TDRD9: variants seen among roughly 807,000 people sequenced by gnomAD.
The protein encoded by TDRD9 is ATP-dependent RNA helicase TDRD9.
A neutral mutation model predicts 172.6 loss-of-function variants in TDRD9; 124 were observed. The observed-to-expected ratio is 0.72, with a 90% CI of 0.62 to 0.83. The LOEUF (loss-of-function observed/expected upper bound fraction) is 0.83. Ranked by LOEUF, TDRD9 falls within the 40% of genes least tolerant of loss-of-function variation. The pLI is 0.00. For missense variants in TDRD9, 1,479 were observed against 1,714.1 expected, an observed-to-expected ratio of 0.86 and a Z score of 2.42; for synonymous variants, 619 against 617.1, an observed-to-expected ratio of 1.00 and a Z score of -0.05.
At chr14:103,948,531 A>G (rs2031693043) in intron 1 of TDRD9, among the ~76,000 whole-genome samples, 1 of 152,168 alleles carries the variant, frequency 6.6e-6, no homozygotes, top group South Asian at 2.1e-4. Flanking sequence ...CCTTGAAGAG[A>G]TGTTTGTACA....
intron 5 of TDRD9, 28 bp from the exon 6 acceptor site, chr14:103,970,513 G>A (rs1193289984): frequency 2.6e-6 from 4 of 1,525,976 alleles, no homozygotes; most frequent in Non-Finnish European, 3.6e-6. Context: ...GATGCCATGT[G>A]GGGGGTGCCC....
intron 30 of TDRD9, 138 bp from the exon 31 acceptor site, chr14:104,033,822 G>T (rs547350667): frequency 4.8e-6 from 3 of 627,470 alleles, no homozygotes; most frequent in African/African-American, 3.6e-5. Flanking sequence ...GCAGGAGAGT[G>T]GGGGGTTAAA....
At chr14:103,984,511 C>G (rs1243306841) in intron 7 of TDRD9, among the ~76,000 whole-genome samples, 1 of 152,214 alleles carries the variant, frequency 6.6e-6, no homozygotes, top group Admixed American at 6.5e-5. Flanking sequence ...TTGGCAGCCC[C>G]CACATGTTGT....
chr14:103,991,172 G>T lies in TDRD9; in HGVS notation c.1128G>T (p.Trp376Cys). ...LDMKESGNKAWSGAQFVLERS... is the reference protein window; with the variant it reads ...LDMKESGNKACSGAQFVLERS... Reference sequence around the variant, plus strand: ...ACATTTTTAACAGGAACAAGGCTTGGTCGGGGGCCCAGTTTGTGTTGGAGC... The same window carrying T: ...ACATTTTTAACAGGAACAAGGCTTGTTCGGGGGCCCAGTTTGTGTTGGAGC... The change falls in exon 9 of 36, where the codon TGG becomes TGT. Residue 376 changes from tryptophan to cysteine, a missense_variant. This residue lies in a region of TDRD9 where 1,413 missense variants were observed against 1,649.1 expected (regional missense o/e 0.86). Transcript: ENST00000409874. The T allele has an allele frequency of 6.2e-7, 1 of 1,613,986 alleles. No homozygotes were observed. Among genetic ancestry groups the T allele is most frequent in the Admixed American group, 1.7e-5 (1 of 60,014 alleles).
chr14:104,051,299 T>A (rs2035929882), intron 35 of TDRD9, among the ~76,000 whole-genome samples: 1 of 152,254 alleles, frequency 6.6e-6, no homozygotes. Context: ...TTTTAATGGC[T>A]GTGTAGTATT....
rs1003230761 is a variant in TDRD9 at position 103,940,966 on chromosome 14, T to C, written c.215+12242T>C. 12 of 1,535,280 alleles carry C rather than the reference T, an allele frequency of 7.8e-6. No individual in the cohort carries two copies. The African/African-American group carries it at 1.5e-4, about 19-fold the overall frequency. ...TTGGATCACAGAAGGAGCAGAGCAG[T>C]CCATGCTCCCTGAGTCCTCCAGGTC... On this transcript the variant is annotated intron_variant, in intron 1 of 35. Transcript: ENST00000409874.
Position 103,928,737 on chromosome 14 carries a change from C to T in TDRD9, c.215+13C>T. The stretch of plus-strand genomic sequence containing the variant: ...CTGCGTTCGAAAGGTAGGACGCGGG[C>T]GGGGCGGAGGCGGCTGGAGGGCGGC... On this transcript the variant is annotated intron_variant, in intron 1 of 35. Transcript: ENST00000409874. The T allele has an allele frequency of 9.3e-7, 1 of 1,080,446 alleles. No homozygotes were observed. Among genetic ancestry groups the T allele is most frequent in the Non-Finnish European group, 1.2e-6 (1 of 864,934 alleles). 66.9% of individuals were successfully genotyped at this position (1,080,446 alleles called of 1,614,324 possible).
At position 104,052,306 on chromosome 14, in the gene TDRD9, A is replaced by G; in HGVS notation, c.*224A>G. The G allele has an allele frequency of 2.9e-6, 1 of 349,796 alleles. No homozygotes were observed. The highest frequency in any genetic ancestry group is 5.0e-5 in the East Asian group (1 of 19,884). 21.7% of individuals were successfully genotyped at this position (349,796 alleles called of 1,614,324 possible). A position where few individuals can be genotyped will look rare whatever the true frequency, so the allele number is the denominator to read the frequency against. On this transcript the variant is annotated 3_prime_UTR_variant, in exon 36 of 36. Transcript: ENST00000409874. ...AAACTCTAGTCTTTTCTAGAAACAG[A>G]AAATCACTGTATTAAATATTTTGGA...
chr14:104,041,991 A>G, intron 33 of TDRD9, 78 bp from the exon 34 acceptor site: 2 of 974,814 alleles, frequency 2.1e-6, no homozygotes, highest in East Asian at 2.5e-5. Flanking sequence ...CTAACTCTGA[A>G]TGCTATGAAT....
rs2034467071 is a variant in TDRD9, at chr14:104,007,164, G to A, written c.2012G>A (p.Trp671Ter). The change falls in exon 19 of 36, where the codon TGG (tryptophan) becomes TAG (stop). Residue 671 changes from tryptophan (W) to a stop codon, truncating the protein, a stop_gained. Transcript: ENST00000409874. LOFTEE classifies it high-confidence loss of function. The part of the protein sequence containing the change: ...CIALVEAFKT[W>*]KACRQTGELR... ...GTTTGGATCCTTTATTTTCAGACAT[G>A]GAAGGCTTGCAGACAGACAGGGGAG... 6.2e-7 allele frequency: 1 copy of A among 1,613,664 alleles called. No homozygotes were observed. Among genetic ancestry groups the A allele is most frequent in the African/African-American group, 1.3e-5 (1 of 74,912 alleles).
At chr14:104,032,220 T>A (rs185124676) in intron 30 of TDRD9, 133 bp downstream of exon 30, 29 of 592,982 alleles carry the variant, frequency 4.9e-5, no homozygotes, top group Non-Finnish European at 6.3e-5. Context: ...CTTTTCTTTT[T>A]TTTTGAGACA....
At position 104,011,371 on chromosome 14, in the gene TDRD9, C is replaced by T. The variant is rs556269777; in HGVS notation, c.2106+2905C>T. ...GTGCATGTGTGCGCACATGCATGCA[C>T]AATACTATGAGATGTTGTTATTGAT... On this transcript the variant is annotated intron_variant, in intron 20 of 35. Coordinates refer to ENST00000409874, the MANE Select transcript of TDRD9 (RefSeq NM_153046.3). 1.3e-4 allele frequency among the ~76,000 whole-genome samples: 20 copies of T among 152,240 alleles called. 1 individual carries two copies. The South Asian group carries it at 3.3e-3, about 25-fold the overall frequency.
rs1178410199 is a variant in TDRD9, at chr14:103,963,767, AAATGTTTCAAATTTAATT to A, written c.420+592_420+609del. On this transcript the variant is annotated intron_variant, in intron 3 of 35. Transcript: ENST00000409874. Reference sequence around the variant, plus strand: ...AAGAAGGAGTTACAGATAAAACTAGAAATGTTTCAAATTTAATTTTTACTTTGCTTTAGAGTAAATCAT... The same window carrying A: ...AAGAAGGAGTTACAGATAAAACTAGATTTACTTTGCTTTAGAGTAAATCAT... Among the ~76,000 whole-genome samples the A allele has an allele frequency of 3.3e-4, 51 of 152,340 alleles. 1 individual carries two copies. The highest frequency in any genetic ancestry group is 1.2e-3 in the African/African-American group (50 of 41,588).
At chr14:103,932,068 G>T (rs538214447) in intron 1 of TDRD9, among the ~76,000 whole-genome samples, 1 of 152,308 alleles carries the variant, frequency 6.6e-6, no homozygotes, top group South Asian at 2.1e-4. Flanking sequence ...CTGCCAGTAG[G>T]GAACGCAACT....
chr14:103,960,879 A>T (rs775044870), intron 2 of TDRD9, among the ~76,000 whole-genome samples: 5 of 152,250 alleles, frequency 3.3e-5, no homozygotes, highest in Non-Finnish European at 5.9e-5. Context: ...GTTTAGCGGC[A>T]TGTGAGCCAG....
intron 1 of TDRD9, chr14:103,941,194 G>T (rs1360450714): frequency 9.2e-7 from 1 of 1,081,228 alleles, no homozygotes; most frequent in East Asian, 2.6e-5. Context: ...ATGTATACAA[G>T]TTACCCACCT....
rs2031410732 is a variant in TDRD9, at chr14:103,943,891, T to C, written c.216-11773T>C. 7.9e-5 allele frequency among the ~76,000 whole-genome samples: 12 copies of C among 152,180 alleles called. 1 individual carries two copies. The highest frequency in any genetic ancestry group is 7.9e-4 in the Admixed American group (12 of 15,276). On this transcript the variant is annotated intron_variant, in intron 1 of 35. Coordinates refer to ENST00000409874, the MANE Select transcript of TDRD9 (RefSeq NM_153046.3). ...CACCCTACAGCTCCTGTTGCTTAGA[T>C]GTTAGAAAAAGCCAGATGTCAGGAC...
chr14:104,040,146 T>C lies in TDRD9; in HGVS notation c.3717-50T>C, dbSNP rs764412623. ...GTCAATTTTTACATGCTAAAACATA[T>C]ACTTTAACAATTCTGAAATAATGGA... is the stretch of plus-strand genomic sequence containing the variant. On this transcript the variant is annotated intron_variant, in intron 32 of 35. Transcript: ENST00000409874. 5.1e-6 allele frequency: 7 copies of C among 1,366,738 alleles called. No individual in the cohort carries two copies. The African/African-American group carries it at 5.9e-5, about 11-fold the overall frequency. 84.7% of individuals were successfully genotyped at this position (1,366,738 alleles called of 1,614,324 possible). A position where few individuals can be genotyped will look rare whatever the true frequency, so the allele number is the denominator to read the frequency against.
At position 104,024,549 on chromosome 14, in the gene TDRD9, TA is replaced by T; in HGVS notation, c.2607-15del. 2 of 1,442,922 alleles carry T rather than the reference TA, an allele frequency of 1.4e-6. No homozygotes were observed. Among genetic ancestry groups the T allele is most frequent in the Non-Finnish European group, 9.5e-7 (1 of 1,047,714 alleles). 89.4% of individuals were successfully genotyped at this position (1,442,922 alleles called of 1,614,324 possible). A position where few individuals can be genotyped will look rare whatever the true frequency, so the allele number is the denominator to read the frequency against. On this transcript the variant is annotated intron_variant, in intron 24 of 35. Coordinates refer to ENST00000409874, the MANE Select transcript of TDRD9 (RefSeq NM_153046.3). ...TTGTAAAACTTGATTTTTATTTTAA[TA>T]AAAATTCGTATTATGTAGGGTGAAT... is the stretch of plus-strand genomic sequence containing the variant.
Sources: gnomAD v4.1 joint callset for allele counts (sites outside exome capture counted in the v4.1 genomes callset) on GRCh38, gnomAD v4.1.1 for gene constraint, gnomAD v4.1.1 regional missense constraint, MANE v1.5 for transcripts, NCBI Gene and HGNC (gene_info 2026-07-23, HGNC 2026-07-21) for gene names.